TENM3: variants seen among roughly 807,000 people sequenced by gnomAD.
TENM3 encodes teneurin transmembrane protein 3, also known as teneurin-3.
TENM3 carries 63 observed loss-of-function variants against 255.1 expected under a neutral mutation model. The observed-to-expected ratio is 0.25, with a 90% CI of 0.20 to 0.30. The LOEUF (loss-of-function observed/expected upper bound fraction) is 0.30. Among genes scored for constraint, TENM3 ranks in the 10% least tolerant of loss-of-function variants. The probability of loss-of-function intolerance (pLI) is 1.00; values close to 1 mark genes in which losing one functional copy is unlikely to be tolerated. For missense variants in TENM3, 2,929 were observed against 3,461.1 expected (o/e 0.85, Z 3.86); for synonymous variants, 1,306 against 1,322.3 (o/e 0.99, Z 0.27).
intron 3 of TENM3, among the ~76,000 whole-genome samples, chr4:182,375,410 G>A (rs1238308145): frequency 6.6e-6 from 1 of 152,154 alleles, no homozygotes; most frequent in Non-Finnish European, 1.5e-5. Flanking sequence ...AATGCTGGGA[G>A]GAATTCAGAG....
At chr4:181,592,089 A>G in the TENM3 span, among the ~76,000 whole-genome samples, 3 of 152,150 alleles carry the variant, frequency 2.0e-5, no homozygotes. Flanking sequence ...AAGAGGAGGA[A>G]TTACAAAGCG....
chr4:182,177,985 G>A (rs1579615397), intron 1 of TENM3, among the ~76,000 whole-genome samples: 1 of 136,446 alleles, frequency 7.3e-6, no homozygotes, highest in African/African-American at 2.8e-5. Flanking sequence ...TGCTTTAAGA[G>A]TTAGCTCCTG....
At chr4:181,749,615 T>C in the TENM3 span, among the ~76,000 whole-genome samples, 1 of 152,174 alleles carries the variant, frequency 6.6e-6, no homozygotes, top group African/African-American at 2.4e-5. Flanking sequence ...CAAAAGAAGA[T>C]TTCTTTTTAA....
At chr4:182,635,130 G>A (rs573063136) in intron 5 of TENM3, among the ~76,000 whole-genome samples, 35 of 152,286 alleles carry the variant, frequency 2.3e-4, no homozygotes, top group Admixed American at 7.2e-4. Context: ...ATTTGTACAT[G>A]AACTTTTTAA....
intron 13 of TENM3, among the ~76,000 whole-genome samples, chr4:182,727,156 AT>A (rs1760263507): frequency 6.6e-6 from 1 of 152,084 alleles, no homozygotes; most frequent in South Asian, 2.1e-4. Context: ...TACCAAGGAG[AT>A]AAAAATTCAT....
At chr4:182,345,389 C>T (rs73869938) in intron 2 of TENM3, among the ~76,000 whole-genome samples, 212 of 152,192 alleles carry the variant, frequency 1.4e-3, no homozygotes, top group African/African-American at 4.9e-3. Context: ...CTCATATCAA[C>T]CTATTAGCAT....
Position 182,681,947 on chromosome 4 carries a change from A to T in TENM3, c.1968A>T (p.Gly656=), listed in dbSNP as rs777040090. Residue 656 remains glycine (G), a synonymous_variant, in exon 11 of 28, where the codon GGA becomes GGT. Transcript: ENST00000511685. ...TMCPDQCSGH[G]TYLQESGSCT... The stretch of plus-strand genomic sequence containing the variant: ...GTCCAGACCAGTGCTCCGGCCACGG[A>T]ACGTATCTTCAAGAAAGTGGCTCCT... The T allele has an allele frequency of 6.2e-7, 1 of 1,613,988 alleles. No homozygotes were observed. Among genetic ancestry groups the T allele is most frequent in the Non-Finnish European group, 8.5e-7 (1 of 1,179,876 alleles).
the TENM3 span, among the ~76,000 whole-genome samples, chr4:181,513,061 C>T: frequency 2.6e-5 from 4 of 152,242 alleles, no homozygotes; most frequent in South Asian, 8.3e-4. Context: ...TTTTCTGCAA[C>T]TTACACATTA....
At chr4:182,652,009 T>C (rs1462639660) in intron 5 of TENM3, among the ~76,000 whole-genome samples, 2 of 152,220 alleles carry the variant, frequency 1.3e-5, no homozygotes, top group Non-Finnish European at 2.9e-5. Context: ...GTTACTAACA[T>C]GTTCTCCTCT....
intron 2 of TENM3, among the ~76,000 whole-genome samples, chr4:182,343,068 G>A (rs1242225468): frequency 6.6e-6 from 1 of 152,040 alleles, no homozygotes; most frequent in Non-Finnish European, 1.5e-5. Context: ...ACCCTCACTC[G>A]TTTTTTAAAA....
At chr4:182,066,254 CTTTTTT>C in the TENM3 span, among the ~76,000 whole-genome samples, 55 of 151,922 alleles carry the variant, frequency 3.6e-4, 1 homozygote, top group Admixed American at 6.6e-5. Context: ...TGACGTCAAC[CTTTTTT>C]TTATGCGCTT....
chr4:181,978,594 C>T, the TENM3 span, among the ~76,000 whole-genome samples: 2 of 149,932 alleles, frequency 1.3e-5, no homozygotes, highest in Non-Finnish European at 3.0e-5. Context: ...TTGCAGTAAG[C>T]CGAGATGGTG....
chr4:181,523,222 C>G, the TENM3 span, among the ~76,000 whole-genome samples: 1 of 152,054 alleles, frequency 6.6e-6, no homozygotes, highest in Non-Finnish European at 1.5e-5. Context: ...ATATGCAGAT[C>G]TAATATAAAA....
chr4:182,310,424 A>G (rs1482176722), intron 1 of TENM3, among the ~76,000 whole-genome samples: 1 of 152,160 alleles, frequency 6.6e-6, no homozygotes, highest in Non-Finnish European at 1.5e-5. Flanking sequence ...GTCAGTGAGC[A>G]GGAGGCAGGC....
At chr4:182,687,034 T>A (rs1219604962) in intron 11 of TENM3, among the ~76,000 whole-genome samples, 1 of 152,166 alleles carries the variant, frequency 6.6e-6, no homozygotes, top group Non-Finnish European at 1.5e-5. Context: ...ATAAGGTGTT[T>A]AGCCTGTGAG....
intron 3 of TENM3, among the ~76,000 whole-genome samples, chr4:182,525,235 C>T (rs1290830349): frequency 6.6e-6 from 1 of 152,190 alleles, no homozygotes; most frequent in Non-Finnish European, 1.5e-5. Context: ...GCCCATAGGG[C>T]TGTTCCACAA....
the TENM3 span, among the ~76,000 whole-genome samples, chr4:181,616,268 T>A: frequency 8.4e-6 from 1 of 118,956 alleles, no homozygotes; most frequent in African/African-American, 3.2e-5. Context: ...TTCCCTGTAT[T>A]AGTAAAGGTT....
the TENM3 span, among the ~76,000 whole-genome samples, chr4:182,008,318 A>C: frequency 2.0e-5 from 3 of 152,000 alleles, no homozygotes; most frequent in Non-Finnish European, 2.9e-5. Context: ...ATAATATCCT[A>C]TAGTGTGTTT....
chr4:181,767,546 G>T, the TENM3 span, among the ~76,000 whole-genome samples: 10 of 152,018 alleles, frequency 6.6e-5, no homozygotes, highest in African/African-American at 2.4e-4. Flanking sequence ...TGTCTCTGTG[G>T]TCTATGTATA....
Sources: allele counts gnomAD v4.1 joint callset (sites outside exome capture counted in the v4.1 genomes callset), GRCh38; gene constraint gnomAD v4.1.1; transcripts MANE v1.5; gene names NCBI Gene and HGNC (gene_info 2026-07-23, HGNC 2026-07-21).